Variants in TMEM8B observed in about 807,000 individuals in gnomAD.
The protein encoded by TMEM8B is transmembrane protein 8B, also known as nasopharyngeal carcinoma expressed 6.
In TMEM8B, 29 loss-of-function variants were observed where a neutral mutation model predicts 49.3. The observed-to-expected ratio is 0.59, with a 90% confidence interval of 0.44 to 0.80. The LOEUF (loss-of-function observed/expected upper bound fraction) is 0.80, where lower values mean the gene tolerates loss of function less well. Ranked by LOEUF, TMEM8B falls within the 30% of genes least tolerant of loss-of-function variation. The pLI is 0.00. For synonymous variants in TMEM8B, 264 were observed against 272.8 expected (o/e 0.97, Z 0.32); for missense variants, 575 against 658.5 (o/e 0.87, Z 1.39).
In TMEM8B at chr9:35,862,288, T is replaced by C. The variant is rs1431719073; in HGVS notation, c.*8448T>C. ...TTAGATCTCTGAGATTCTCTCTGAG[T>C]CTGGGATGTAAAGACAAAGTAAAAC... On this transcript the variant is annotated 3_prime_UTR_variant, in exon 13 of 13. Transcript: ENST00000643932. 1 of 152,162 alleles carries C rather than the reference T, an allele frequency of 6.6e-6. No individual in the cohort carries two copies. The highest frequency in any genetic ancestry group is 1.5e-5 in the Non-Finnish European group (1 of 68,036). The allele number at this position is 152,162 out of a possible 1,614,324, so 9.4% of individuals were successfully genotyped here.
In TMEM8B at chr9:35,863,267, A is replaced by C. The variant is rs1354196228; in HGVS notation, c.*9427A>C. On this transcript the variant is annotated 3_prime_UTR_variant, in exon 13 of 13. Transcript: ENST00000643932. ...TGATACAGCTATTGTGATTGCTAGG[A>C]GAAGGGCTTTGGGCAGTGCCAGTCT... 6.6e-6 allele frequency: 1 copy of C among 152,202 alleles called. No homozygotes were observed. The allele number at this position is 152,202 out of a possible 1,614,324, so 9.4% of individuals were successfully genotyped here.
At position 35,855,341 on chromosome 9, in the gene TMEM8B, T is replaced by A. The variant is rs1160609271; in HGVS notation, c.*1501T>A. 6.6e-6 allele frequency: 1 copy of A among 152,224 alleles called. No homozygotes were observed. Among genetic ancestry groups the A allele is most frequent in the Non-Finnish European group, 1.5e-5 (1 of 68,070 alleles). The allele number at this position is 152,224 out of a possible 1,614,324, so 9.4% of individuals were successfully genotyped here. On this transcript the variant is annotated 3_prime_UTR_variant, in exon 13 of 13. Coordinates refer to ENST00000643932, the MANE Select transcript of TMEM8B (RefSeq NM_001042590.4). ...TACATCCTCTCCTCCTCTCTCTTCT[T>A]TCCCCCTTTCGTTAATATTGGAGGT... is the stretch of plus-strand genomic sequence containing the variant.
Position 35,851,349 on chromosome 9 carries a change from C to T in TMEM8B, c.2176-1478C>T, listed in dbSNP as rs572700134. Among the ~76,000 whole-genome samples, 4 of 151,532 alleles carry T rather than the reference C, an allele frequency of 2.6e-5. No individual in the cohort carries two copies. In the East Asian group the frequency reaches 7.8e-4, roughly 30 times the overall value. On this transcript the variant is annotated intron_variant, in intron 10 of 12. Transcript: ENST00000643932. ...TGTAGAGATGGGGGTTTCACCATGTCGCCCAGGCTGGTCTTTAACTCCTGG... is the reference window on the plus strand; with the variant it reads ...TGTAGAGATGGGGGTTTCACCATGTTGCCCAGGCTGGTCTTTAACTCCTGG...
Position 35,847,234 on chromosome 9 carries a change from C to G in TMEM8B, c.2175+239C>G, listed in dbSNP as rs1395814377. ...ACTTAATAAAGTAAGTTTGGGCCTC[C>G]AGCTGTTCCACACTCTGTCCACCCT... On this transcript the variant is annotated intron_variant, in intron 10 of 12. Transcript: ENST00000643932. 4 of 1,268,202 alleles carry G rather than the reference C, an allele frequency of 3.2e-6. No homozygotes were observed. In the South Asian group the frequency reaches 3.8e-5, roughly 12 times the overall value. 78.6% of individuals were successfully genotyped at this position (1,268,202 alleles called of 1,614,324 possible).
chr9:35,863,880 G>C lies in TMEM8B; in HGVS notation c.*10040G>C, dbSNP rs911681367. ...AGCTCCTCTGCATGTGGGTGCAATGGCGTCTTATGACTCTCAGAAAGCTAC... is the reference window on the plus strand; with the variant it reads ...AGCTCCTCTGCATGTGGGTGCAATGCCGTCTTATGACTCTCAGAAAGCTAC... On this transcript the variant is annotated 3_prime_UTR_variant, in exon 13 of 13. Coordinates refer to ENST00000643932, the MANE Select transcript of TMEM8B (RefSeq NM_001042590.4). 1 of 152,258 alleles carries C rather than the reference G, an allele frequency of 6.6e-6. No homozygotes were observed. Among genetic ancestry groups the C allele is most frequent in the Admixed American group, 6.5e-5 (1 of 15,274 alleles). 9.4% of individuals were successfully genotyped at this position (152,258 alleles called of 1,614,324 possible).
rs1831098527 is a variant in TMEM8B, at chr9:35,842,348, T to C, written c.1310-44T>C. 2.1e-6 allele frequency: 3 copies of C among 1,410,076 alleles called. No homozygotes were observed. The highest frequency in any genetic ancestry group is 2.8e-6 in the Non-Finnish European group (3 of 1,057,808). The allele number at this position is 1,410,076 out of a possible 1,614,324, so 87.3% of individuals were successfully genotyped here. A position where few individuals can be genotyped will look rare whatever the true frequency, so the allele number is the denominator to read the frequency against. On this transcript the variant is annotated intron_variant, in intron 5 of 12. Transcript: ENST00000643932. This position sits in a 1 kb window ranked among gnomAD's most constrained non-coding sequence, Gnocchi z 5.6. ...ATGTGTTTATGAGTAAGTTCAGGACTGTAAAGGCTGCAGGCCCAAGCTCTG... is the reference window on the plus strand; with the variant it reads ...ATGTGTTTATGAGTAAGTTCAGGACCGTAAAGGCTGCAGGCCCAAGCTCTG...
intron 3 of TMEM8B, among the ~76,000 whole-genome samples, chr9:35,840,818 T>C (rs1830910572): frequency 6.6e-6 from 1 of 152,094 alleles, no homozygotes; most frequent in African/African-American, 2.4e-5. Flanking sequence ...TGGCCCAGAA[T>C]GCTCAGGGGG....
intron 3 of TMEM8B, among the ~76,000 whole-genome samples, chr9:35,839,526 C>T (rs1426686762): frequency 1.4e-4 from 22 of 152,232 alleles, no homozygotes; most frequent in Non-Finnish European, 2.9e-5. Flanking sequence ...GCACGTTACA[C>T]AGTTGAAGGA....
At chr9:35,846,123 G>T in intron 7 of TMEM8B, 55 bp downstream of exon 7, 1 of 1,610,400 alleles carries the variant, frequency 6.2e-7, no homozygotes, top group Non-Finnish European at 8.5e-7. Flanking sequence ...TGGTGGTGGC[G>T]GGCAGAGGTG....
chr9:35,845,726 C>G, intron 6 of TMEM8B: 1 of 985,432 alleles, frequency 1.0e-6, no homozygotes. Flanking sequence ...CACTTCTGCC[C>G]AAAGAACAGA....
At chr9:35,835,610 T>C (rs1830373161) in intron 3 of TMEM8B, among the ~76,000 whole-genome samples, 1 of 152,250 alleles carries the variant, frequency 6.6e-6, no homozygotes, top group Admixed American at 6.5e-5. Context: ...ACATCTTGAT[T>C]GACAATAGCC....
chr9:35,845,602 C>A (rs769621520), intron 6 of TMEM8B: 8 of 985,470 alleles, frequency 8.1e-6, no homozygotes, highest in Non-Finnish European at 8.4e-6. Flanking sequence ...GGAAACCTTA[C>A]AATTGCCTTT....
Position 35,853,464 on chromosome 9 carries a change from G to C in TMEM8B, c.2440-41G>C. 1 of 1,583,680 alleles carries C rather than the reference G, an allele frequency of 6.3e-7. No homozygotes were observed. Among genetic ancestry groups the C allele is most frequent in the Non-Finnish European group, 8.6e-7 (1 of 1,166,686 alleles). Reference sequence around the variant, plus strand: ...GTGACCAGCTCTGGCTTGGGTTCCAGGGCTTGGCATTCCTGAGCCCCACTT... The same window carrying C: ...GTGACCAGCTCTGGCTTGGGTTCCACGGCTTGGCATTCCTGAGCCCCACTT... On this transcript the variant is annotated intron_variant, in intron 12 of 12. Transcript: ENST00000643932. The surrounding 1 kb of genome is among the most constrained non-coding windows in gnomAD (Gnocchi z 4.2).
intron 3 of TMEM8B, among the ~76,000 whole-genome samples, chr9:35,839,198 C>T (rs962957176): frequency 1.3e-5 from 2 of 152,242 alleles, no homozygotes; most frequent in Non-Finnish European, 1.5e-5. Flanking sequence ...CCCATACATA[C>T]GAGGACATTG....
chr9:35,834,712 G>A (rs1830267705), intron 2 of TMEM8B, 62 bp downstream of exon 2: 1 of 415,218 alleles, frequency 2.4e-6, no homozygotes, highest in Non-Finnish European at 4.4e-6. Flanking sequence ...CCAGACTAAA[G>A]TGTGACTTTA....
At position 35,841,481 on chromosome 9, in the gene TMEM8B, C is replaced by T. The variant is rs554505474; in HGVS notation, c.1041-45C>T. The T allele has an allele frequency of 1.4e-5, 6 of 415,590 alleles. No individual in the cohort carries two copies. The highest frequency in any genetic ancestry group is 2.5e-4 in the South Asian group (2 of 7,960). The allele number at this position is 415,590 out of a possible 1,614,324, so 25.7% of individuals were successfully genotyped here. ...TGCTTCCCTTGCCCTGTGTTCCTCTCGCCTCTGTTTGTGCCTTCTTACCCC... is the reference window on the plus strand; with the variant it reads ...TGCTTCCCTTGCCCTGTGTTCCTCTTGCCTCTGTTTGTGCCTTCTTACCCC... On this transcript the variant is annotated intron_variant, in intron 4 of 12. Transcript: ENST00000643932. This position sits in a 1 kb window ranked among gnomAD's most constrained non-coding sequence, Gnocchi z 5.9.
chr9:35,838,941 G>C (rs1830704879), intron 3 of TMEM8B, among the ~76,000 whole-genome samples: 1 of 152,234 alleles, frequency 6.6e-6, no homozygotes, highest in Non-Finnish European at 1.5e-5. Flanking sequence ...CAGCTTCTCT[G>C]CTTTCTCCAG....
At chr9:35,852,091 G>C (rs903183943) in intron 10 of TMEM8B, among the ~76,000 whole-genome samples, 4 of 152,220 alleles carry the variant, frequency 2.6e-5, no homozygotes, top group African/African-American at 7.2e-5. Context: ...GCTAATGGCA[G>C]ACTTTGCTTG....
intron 3 of TMEM8B, among the ~76,000 whole-genome samples, chr9:35,840,378 G>C (rs1036176871): frequency 2.0e-5 from 3 of 152,214 alleles, no homozygotes; most frequent in Non-Finnish European, 4.4e-5. Flanking sequence ...CTTCCCCCAG[G>C]TGGGATGATC....
Sources: allele counts gnomAD v4.1 joint callset (sites outside exome capture counted in the v4.1 genomes callset), GRCh38; gene constraint gnomAD v4.1.1; non-coding constraint Gnocchi (gnomAD v3.1); transcripts MANE v1.5; gene names NCBI Gene and HGNC (gene_info 2026-07-23, HGNC 2026-07-21).